The following CTIF variants were observed in gnomAD, a reference collection of about 807,000 sequenced individuals.
CTIF encodes cap binding complex dependent translation initiation factor, also known as CBP80/20-dependent translation initiation factor.
Under a neutral mutation model 66.0 loss-of-function variants are expected in CTIF, and 21 were observed. The ratio of observed to expected loss-of-function variants is 0.32; its 90% CI spans 0.23 to 0.46. The LOEUF is 0.46. CTIF is among the 20% of genes least tolerant of loss of function. The pLI, the probability that CTIF is intolerant of heterozygous loss-of-function variation, is 1.00. For synonymous variants in CTIF, 345 were observed against 326.4 expected (o/e 1.06, Z -0.62); for missense variants, 739 against 812.7 (o/e 0.91, Z 1.10).
In CTIF at chr18:48,859,330, A is replaced by G; in HGVS notation, c.1582-14A>G. On this transcript the variant is annotated splice_polypyrimidine_tract_variant and intron_variant, in intron 11 of 11. Transcript: ENST00000256413. ...GGACCCGAGGCCATCCTAACCCCAC[A>G]TCTCTGTCTGCAGCTGCAGAGTACA... The G allele has an allele frequency of 6.2e-7, 1 of 1,613,084 alleles. No individual in the cohort carries two copies. Among genetic ancestry groups the G allele is most frequent in the East Asian group, 2.2e-5 (1 of 44,860 alleles).
At chr18:48,806,480 G>A (rs2068150041) in intron 9 of CTIF, among the ~76,000 whole-genome samples, 2 of 152,310 alleles carry the variant, frequency 1.3e-5, no homozygotes, top group South Asian at 4.1e-4. Context: ...GGGGCATAGC[G>A]TTTGGATGGG....
intron 7 of CTIF, among the ~76,000 whole-genome samples, chr18:48,749,984 G>A (rs1907649005): frequency 6.6e-6 from 1 of 152,220 alleles, no homozygotes; most frequent in Admixed American, 6.5e-5. Flanking sequence ...ACTCCCCAGG[G>A]CAGCCGCGTG....
At chr18:48,657,539 T>C (rs1598815429) in intron 3 of CTIF, among the ~76,000 whole-genome samples, 3 of 152,122 alleles carry the variant, frequency 2.0e-5, no homozygotes, top group Admixed American at 2.0e-4. Flanking sequence ...AGCCAGGGGA[T>C]TGGTGCTTCC....
intron 1 of CTIF, among the ~76,000 whole-genome samples, chr18:48,612,087 C>G (rs1391808098): frequency 1.3e-5 from 2 of 152,322 alleles, no homozygotes; most frequent in South Asian, 2.1e-4. Flanking sequence ...GGTTGGGGAC[C>G]TGGGGCTCCT....
chr18:48,813,054 T>C (rs2068293615), intron 9 of CTIF, among the ~76,000 whole-genome samples: 2 of 152,180 alleles, frequency 1.3e-5, no homozygotes, highest in Non-Finnish European at 2.9e-5. Flanking sequence ...GGTCTATTTA[T>C]CTATTCTGCT....
intron 7 of CTIF, among the ~76,000 whole-genome samples, chr18:48,727,147 C>T (rs1027275725): frequency 1.3e-5 from 2 of 151,874 alleles, no homozygotes; most frequent in Non-Finnish European, 2.9e-5. Context: ...GGGTAACAGC[C>T]TTAGATACAC....
At chr18:48,549,085 C>T (rs1029043113) in intron 1 of CTIF, among the ~76,000 whole-genome samples, 1 of 151,934 alleles carries the variant, frequency 6.6e-6, no homozygotes. Flanking sequence ...CCAGGGAGGG[C>T]GTATGCATGT....
chr18:48,687,931 C>T (rs111615554), intron 6 of CTIF, among the ~76,000 whole-genome samples: 3,029 of 152,318 alleles, frequency 0.02, 33 homozygotes, highest in Middle Eastern at 0.048. Flanking sequence ...GCTGTCCTTG[C>T]CTTTTGCCAA....
At chr18:48,810,980 G>A (rs560222564) in intron 9 of CTIF, among the ~76,000 whole-genome samples, 62 of 151,588 alleles carry the variant, frequency 4.1e-4, no homozygotes, top group African/African-American at 1.5e-3. Context: ...TTTACTTTTA[G>A]CATTTTAAAG....
At chr18:48,819,641 T>C (rs28646138) in intron 10 of CTIF, among the ~76,000 whole-genome samples, 3,141 of 152,338 alleles carry the variant, frequency 0.021, 95 homozygotes, top group African/African-American at 0.072. Context: ...ACTTGTTGGA[T>C]GCATTCAAAT....
intron 1 of CTIF, among the ~76,000 whole-genome samples, chr18:48,598,388 GCAGGCA>G (rs1229067688): frequency 2.6e-5 from 4 of 152,188 alleles, no homozygotes; most frequent in Non-Finnish European, 2.9e-5. Context: ...AGAAGGTGTG[GCAGGCA>G]CCTCTCCGCT....
At chr18:48,735,938 T>A (rs1032351340) in intron 7 of CTIF, among the ~76,000 whole-genome samples, 1 of 152,086 alleles carries the variant, frequency 6.6e-6, no homozygotes, top group Non-Finnish European at 1.5e-5. Flanking sequence ...CTGTATGTCA[T>A]GGGAAGCGGA....
intron 9 of CTIF, among the ~76,000 whole-genome samples, chr18:48,785,718 G>A (rs1599040029): frequency 6.6e-6 from 1 of 152,296 alleles, no homozygotes; most frequent in East Asian, 1.9e-4. Context: ...CCGTGCCTTT[G>A]GTAAACAGTA....
At chr18:48,722,539 C>T (rs942329755) in intron 7 of CTIF, among the ~76,000 whole-genome samples, 2 of 152,088 alleles carry the variant, frequency 1.3e-5, no homozygotes, top group African/African-American at 2.4e-5. Context: ...CTCTTGAGAT[C>T]GTATGCTGCC....
At chr18:48,707,788 G>A (rs1446500501) in intron 6 of CTIF, among the ~76,000 whole-genome samples, 1 of 152,106 alleles carries the variant, frequency 6.6e-6, no homozygotes, top group African/African-American at 2.4e-5. Context: ...TATTCACAAG[G>A]TTGTGCAACG....
chr18:48,649,829 C>A (rs564175345), intron 3 of CTIF, among the ~76,000 whole-genome samples: 2 of 152,204 alleles, frequency 1.3e-5, no homozygotes, highest in African/African-American at 4.8e-5. Context: ...GATACCCAGG[C>A]AAACAGGGTC....
intron 6 of CTIF, among the ~76,000 whole-genome samples, chr18:48,707,972 G>A (rs1027598651): frequency 3.9e-5 from 6 of 152,164 alleles, no homozygotes; most frequent in East Asian, 1.9e-4. Flanking sequence ...CATGCACTCC[G>A]TGGTCCTTTG....
At chr18:48,615,997 C>T (rs926760894) in intron 1 of CTIF, among the ~76,000 whole-genome samples, 1 of 152,194 alleles carries the variant, frequency 6.6e-6, no homozygotes, top group Non-Finnish European at 1.5e-5. Flanking sequence ...GGGTGATGAC[C>T]ATGCCCAGGC....
chr18:48,745,561 A>G lies in CTIF; in HGVS notation c.585-12358A>G, dbSNP rs77833284. On this transcript the variant is annotated intron_variant, in intron 7 of 11. Transcript: ENST00000256413. ...ATTTTCTAATTCCATCATTCCTTCT[A>G]AATGTACTAGTTGTCTTTTATCATA... Among the ~76,000 whole-genome samples, 172 of 152,318 alleles carry G rather than the reference A, an allele frequency of 1.1e-3. 2 individuals carry two copies. In the East Asian group the frequency reaches 0.031, roughly 27 times the overall value.
Sources: allele counts gnomAD v4.1 joint callset (sites outside exome capture counted in the v4.1 genomes callset), GRCh38; gene constraint gnomAD v4.1.1; transcripts MANE v1.5; gene names NCBI Gene and HGNC (gene_info 2026-07-23, HGNC 2026-07-21).